Variants in RADIL observed in about 807,000 individuals in gnomAD.
The protein encoded by RADIL is Rap associating with DIL domain.
A neutral mutation model predicts 97.6 loss-of-function variants in RADIL; 99 were observed. The observed-to-expected ratio is 1.01, with a 90% CI of 0.86 to 1.20. The LOEUF (loss-of-function observed/expected upper bound fraction) is 1.20, where lower values mean the gene tolerates loss of function less well. RADIL is among the 50% of genes most tolerant of loss of function. The pLI is 0.00. For synonymous variants in RADIL, 803 were observed against 691.8 expected, an observed-to-expected ratio of 1.16 and a Z score of -2.52; for missense variants, 1,765 against 1,498.9, an observed-to-expected ratio of 1.18 and a Z score of -2.93.
intron 2 of RADIL, chr7:4,860,292 T>G (rs1185876598): frequency 6.2e-7 from 1 of 1,613,828 alleles, no homozygotes; most frequent in Non-Finnish European, 8.5e-7. Flanking sequence ...GAGTGTGCTT[T>G]CTTGTCCTGA....
At chr7:4,804,997 G>A (rs956671418) in intron 10 of RADIL, among the ~76,000 whole-genome samples, 1 of 152,098 alleles carries the variant, frequency 6.6e-6, no homozygotes, top group Non-Finnish European at 1.5e-5. Context: ...GGGAGGCTGA[G>A]GTAGGAGAAT....
intron 5 of RADIL, among the ~76,000 whole-genome samples, chr7:4,826,504 G>A (rs1464452904): frequency 2.0e-5 from 3 of 151,944 alleles, no homozygotes; most frequent in Non-Finnish European, 2.9e-5. Context: ...AGGCTGAGGC[G>A]GGTGGATCAT....
Position 4,877,691 on chromosome 7 carries a change from CG to C in RADIL, c.448del (p.Arg150GlufsTer10). ...PLLIQELWKP[R>X]EGLSRRFELR... is the part of the protein sequence containing the mutation. Reference sequence around the variant, plus strand: ...CTCAAACCTCCGGGATAAACCTTCTCGGGGTTTCCATAATTCCTGGATCAAG... The same window carrying C: ...CTCAAACCTCCGGGATAAACCTTCTCGGGTTTCCATAATTCCTGGATCAAG... On this transcript the variant is annotated frameshift_variant, in exon 2 of 15. Coordinates refer to ENST00000399583, the MANE Select transcript of RADIL (RefSeq NM_018059.5). LOFTEE classifies it high-confidence loss of function. 1 of 1,614,174 alleles carries C rather than the reference CG, an allele frequency of 6.2e-7. No individual in the cohort carries two copies. The highest frequency in any genetic ancestry group is 8.5e-7 in the Non-Finnish European group (1 of 1,180,028).
intron 9 of RADIL, chr7:4,809,545 G>A (rs963778877): frequency 1.0e-6 from 1 of 985,442 alleles, no homozygotes; most frequent in East Asian, 1.1e-4. Flanking sequence ...GGAGCCCCCA[G>A]GCCCGCCCAG....
At position 4,830,652 on chromosome 7, in the gene RADIL, T is replaced by C. The variant is rs374896328; in HGVS notation, c.1454+1489A>G. Among the ~76,000 whole-genome samples the C allele has an allele frequency of 1.1e-4, 17 of 151,600 alleles. No homozygotes were observed. The East Asian group carries it at 1.8e-3, about 16-fold the overall frequency. On this transcript the variant is annotated intron_variant, in intron 5 of 14. Coordinates refer to ENST00000399583, the MANE Select transcript of RADIL (RefSeq NM_018059.5). ...CAGCACTTTGGGAGGCTGAGGCAGG[T>C]GGATCACCTGAGGTCAGGAGTTCGA...
chr7:4,878,230 C>T lies in RADIL; in HGVS notation c.-64-27G>A, dbSNP rs140238998. ...TGGGTGAAAAAGTGAGAGAGGTTAG[C>T]GCCAACCATCGTGACCACCAAGAGC... is the stretch of plus-strand genomic sequence containing the variant. On this transcript the variant is annotated intron_variant, in intron 1 of 14. Coordinates refer to ENST00000399583, the MANE Select transcript of RADIL (RefSeq NM_018059.5). This position sits in a 1 kb window ranked among gnomAD's most constrained non-coding sequence, Gnocchi z 4.1. 920 of 1,328,170 alleles carry T rather than the reference C, an allele frequency of 6.9e-4. 5 individuals are homozygous for T. The African/African-American group carries it at 0.012, about 17-fold the overall frequency. 82.3% of individuals were successfully genotyped at this position (1,328,170 alleles called of 1,614,324 possible). A position where few individuals can be genotyped will look rare whatever the true frequency, so the allele number is the denominator to read the frequency against.
rs1211344813 is a variant in RADIL, at chr7:4,822,753, G to A, written c.1455-199C>T. 1.3e-5 allele frequency among the ~76,000 whole-genome samples: 2 copies of A among 152,186 alleles called. No homozygotes were observed. The highest frequency in any genetic ancestry group is 6.5e-5 in the Admixed American group (1 of 15,274). On this transcript the variant is annotated intron_variant, in intron 5 of 14. Transcript: ENST00000399583. The surrounding 1 kb of genome is among the most constrained non-coding windows in gnomAD (Gnocchi z 5.3). The stretch of plus-strand genomic sequence containing the variant: ...CTGCCTACAACACCCGACAGCCAGA[G>A]GACCCTACAAACCTAGCAGGAAGAC...
chr7:4,860,205 C>G, intron 2 of RADIL: 1 of 1,614,046 alleles, frequency 6.2e-7, no homozygotes, highest in Non-Finnish European at 8.5e-7. Context: ...GATGAAGGCA[C>G]AGACATGCTG....
chr7:4,809,413 C>A lies in RADIL; in HGVS notation c.2140-3697G>T, dbSNP rs972176964. On this transcript the variant is annotated intron_variant, in intron 9 of 14. Coordinates refer to ENST00000399583, the MANE Select transcript of RADIL (RefSeq NM_018059.5). ...GAGATCCTGAGTGTCGCTGCTGCCT[C>A]CTTTCCGTGCACACAGGAAACCACA... is the stretch of plus-strand genomic sequence containing the variant. 8 of 985,342 alleles carry A rather than the reference C, an allele frequency of 8.1e-6. No homozygotes were observed. The Admixed American group carries it at 3.1e-4, about 38-fold the overall frequency. The allele number at this position is 985,342 out of a possible 1,614,324, so 61.0% of individuals were successfully genotyped here.
At chr7:4,839,262 G>T (rs1783383655) in intron 2 of RADIL, among the ~76,000 whole-genome samples, 1 of 152,204 alleles carries the variant, frequency 6.6e-6, no homozygotes, top group African/African-American at 2.4e-5. Context: ...TCAGGAGTAG[G>T]TTGTTTAATT....
chr7:4,859,022 T>C (rs1783905261), intron 2 of RADIL: 2 of 152,194 alleles, frequency 1.3e-5, no homozygotes, highest in Non-Finnish European at 2.9e-5. Flanking sequence ...AACCAGTGTG[T>C]CCTTTCTCCA....
At chr7:4,804,269 C>G (rs939835810) in intron 10 of RADIL, among the ~76,000 whole-genome samples, 2 of 152,236 alleles carry the variant, frequency 1.3e-5, no homozygotes, top group Non-Finnish European at 2.9e-5. Flanking sequence ...GCTCCCAGCA[C>G]AGAATTCAGG....
At chr7:4,807,072 G>A (rs1411669727) in intron 9 of RADIL, among the ~76,000 whole-genome samples, 1 of 152,096 alleles carries the variant, frequency 6.6e-6, no homozygotes, top group East Asian at 1.9e-4. Context: ...CCCCTCTGCT[G>A]GCTCTTTCTG....
At chr7:4,861,075 C>T (rs1307645211) in intron 2 of RADIL, 10 of 1,614,182 alleles carry the variant, frequency 6.2e-6, no homozygotes, top group Middle Eastern at 1.6e-4. Flanking sequence ...GAAACACCTC[C>T]GAGGAAACCT....
At chr7:4,856,904 C>T (rs1483188433) in intron 2 of RADIL, among the ~76,000 whole-genome samples, 2 of 152,246 alleles carry the variant, frequency 1.3e-5, no homozygotes, top group African/African-American at 4.8e-5. Context: ...TGATTGCCCT[C>T]TACAAAGGCA....
chr7:4,807,520 C>CGTCTCCCCTCCCTCCTCTCTCCCTCT (rs1414831684), intron 9 of RADIL, among the ~76,000 whole-genome samples: 1 of 135,878 alleles, frequency 7.4e-6, no homozygotes, highest in Admixed American at 7.1e-5. Context: ...CCTCCCTCTC[C>CGTCTCCCCTCCCTCCTCTCTCCCTCT]GTCTCCCCTC....
intron 2 of RADIL, among the ~76,000 whole-genome samples, chr7:4,862,230 C>A (rs111751291): frequency 9.8e-5 from 15 of 152,348 alleles, no homozygotes; most frequent in African/African-American, 3.1e-4. Flanking sequence ...CCATCTAATT[C>A]TTTGCTCTCC....
At position 4,801,874 on chromosome 7, in the gene RADIL, G is replaced by GC. The variant is rs1267308630; in HGVS notation, c.2620dup (p.Ala874GlyfsTer40). ...TCCAGGGGGGGCCTGTGCCCAGGGA[G>GC]CCCCCCTCAAGGGAAGAGTACGCTC... On this transcript the variant is annotated frameshift_variant, in exon 12 of 15. Transcript: ENST00000399583. LOFTEE classifies it high-confidence loss of function. The GC allele has an allele frequency of 2.5e-6, 4 of 1,589,660 alleles. No homozygotes were observed. The highest frequency in any genetic ancestry group is 1.7e-6 in the Non-Finnish European group (2 of 1,168,600).
chr7:4,800,259 C>A lies in RADIL; in HGVS notation c.2894G>T (p.Ser965Ile). The change falls in exon 13 of 15, where the codon AGC (serine) becomes ATC (isoleucine). Residue 965 changes from serine to isoleucine, a missense_variant. Coordinates refer to ENST00000399583, the MANE Select transcript of RADIL (RefSeq NM_018059.5). ...EESPPAPSSRSSSTEDFCYVF... is the reference protein window; with the variant it reads ...EESPPAPSSRISSTEDFCYVF... ...GTAGCAGAAGTCCTCGGTGCTGGAGCTGCGGCTGGACGGGGCTGGAGGGGA... is the reference window on the plus strand; with the variant it reads ...GTAGCAGAAGTCCTCGGTGCTGGAGATGCGGCTGGACGGGGCTGGAGGGGA... The A allele has an allele frequency of 1.3e-6, 2 of 1,557,506 alleles. No homozygotes were observed. Among genetic ancestry groups the A allele is most frequent in the Non-Finnish European group, 1.7e-6 (2 of 1,154,878 alleles).
Sources: gnomAD v4.1 joint callset for allele counts (sites outside exome capture counted in the v4.1 genomes callset) on GRCh38, gnomAD v4.1.1 for gene constraint, Gnocchi (gnomAD v3.1) non-coding constraint, MANE v1.5 for transcripts, NCBI Gene and HGNC (gene_info 2026-07-23, HGNC 2026-07-21) for gene names.